KCNQ1: variants seen among roughly 807,000 people sequenced by gnomAD.
KCNQ1 encodes potassium voltage-gated channel subfamily KQT member 1.
A neutral mutation model predicts 72.4 loss-of-function variants in KCNQ1; 49 were observed. The ratio of observed to expected loss-of-function variants is 0.68; its 90% CI spans 0.54 to 0.86. The LOEUF (loss-of-function observed/expected upper bound fraction) is 0.86, where lower values mean the gene tolerates loss of function less well. Among genes scored for constraint, KCNQ1 ranks in the 40% least tolerant of loss-of-function variants. KCNQ1 has a pLI of 0.00. For synonymous variants in KCNQ1, 450 were observed against 412.6 expected (o/e 1.09, Z -1.10); for missense variants, 790 against 945.1 (o/e 0.84, Z 2.15).
At chr11:2,614,993 A>G (rs1849038208) in intron 10 of KCNQ1, 1 of 398,422 alleles carries the variant, frequency 2.5e-6, no homozygotes, top group Non-Finnish European at 4.4e-6. Context: ...AATATCGCCA[A>G]CTTAACAATA....
intron 1 of KCNQ1, among the ~76,000 whole-genome samples, chr11:2,517,741 A>G (rs1337424429): frequency 6.6e-6 from 1 of 152,188 alleles, no homozygotes; most frequent in African/African-American, 2.4e-5. Context: ...ATATGCCTGC[A>G]CGTCCTGCCC....
At chr11:2,589,928 G>C (rs1368528242) in intron 10 of KCNQ1, among the ~76,000 whole-genome samples, 1 of 152,184 alleles carries the variant, frequency 6.6e-6, no homozygotes, top group Non-Finnish European at 1.5e-5. Context: ...CAGAGTGTGA[G>C]GGGCTGGAGA....
intron 15 of KCNQ1, among the ~76,000 whole-genome samples, chr11:2,822,573 G>A (rs233449): frequency 0.22 from 33,958 of 152,264 alleles, 4,021 homozygotes; most frequent in Non-Finnish European, 0.28. Context: ...CCTGTGAGCC[G>A]AACCCCAAAG....
chr11:2,694,425 G>C (rs1850639376), intron 11 of KCNQ1: 1 of 398,524 alleles, frequency 2.5e-6, no homozygotes, highest in African/African-American at 2.1e-5. Context: ...ACCAGGCAGG[G>C]TGCTAAACAT....
intron 1 of KCNQ1, among the ~76,000 whole-genome samples, chr11:2,456,937 T>C (rs1589890200): frequency 1.7e-5 from 1 of 58,952 alleles, no homozygotes; most frequent in Non-Finnish European, 2.7e-5. Flanking sequence ...AGACTCGGTC[T>C]CAAAAAAAAA....
rs1847920172 is a variant in KCNQ1, at chr11:2,830,254, A to T, written c.1795-17513A>T. Among the ~76,000 whole-genome samples, 1 of 152,036 alleles carries T rather than the reference A, an allele frequency of 6.6e-6. No individual in the cohort carries two copies. The highest frequency in any genetic ancestry group is 6.5e-5 in the Admixed American group (1 of 15,284). On this transcript the variant is annotated intron_variant, in intron 15 of 15. Transcript: ENST00000155840. This position sits in a 1 kb window ranked among gnomAD's most constrained non-coding sequence, Gnocchi z 7.7. Reference sequence around the variant, plus strand: ...TGACTAGCTGGGGCTGGGGCTGTGCAGGATAAGGCCAGTGAGAGAAGAGGA... The same window carrying T: ...TGACTAGCTGGGGCTGGGGCTGTGCTGGATAAGGCCAGTGAGAGAAGAGGA...
chr11:2,593,649 TCA>T lies in KCNQ1; in HGVS notation c.1393+4799_1393+4800del, dbSNP rs938659584. On this transcript the variant is annotated intron_variant, in intron 10 of 15. Transcript: ENST00000155840. The surrounding 1 kb of genome is among the most constrained non-coding windows in gnomAD (Gnocchi z 6.9). ...CCAGTGTGGTCTGGGGACTCATCGTTCACACTCGTGTGTGTGCTTTCTGGAGG... is the reference window on the plus strand; with the variant it reads ...CCAGTGTGGTCTGGGGACTCATCGTTCACTCGTGTGTGTGCTTTCTGGAGG... Among the ~76,000 whole-genome samples the T allele has an allele frequency of 3.9e-5, 6 of 152,158 alleles. No individual in the cohort carries two copies. The highest frequency in any genetic ancestry group is 1.4e-4 in the African/African-American group (6 of 41,440).
chr11:2,616,105 C>T (rs1382937944), intron 10 of KCNQ1: 1 of 397,678 alleles, frequency 2.5e-6, no homozygotes, highest in Non-Finnish European at 4.4e-6. Flanking sequence ...ATTCGTCCAT[C>T]TTATCTAGGT....
At position 2,690,892 on chromosome 11, in the gene KCNQ1, C is replaced by G. The variant is rs1850577054; in HGVS notation, c.1514+28811C>G. On this transcript the variant is annotated intron_variant, in intron 11 of 15. Transcript: ENST00000155840. This position sits in a 1 kb window ranked among gnomAD's most constrained non-coding sequence, Gnocchi z 5.1. The stretch of plus-strand genomic sequence containing the variant: ...CAGGAGTGTAAGCCACTGTTTCCGT[C>G]TGGGTTTTGTCATGTGTAGGTCCCA... 1 of 398,620 alleles carries G rather than the reference C, an allele frequency of 2.5e-6. No individual in the cohort carries two copies. Among genetic ancestry groups the G allele is most frequent in the Non-Finnish European group, 4.4e-6 (1 of 226,082 alleles). The allele number at this position is 398,620 out of a possible 1,614,324, so 24.7% of individuals were successfully genotyped here.
chr11:2,847,546 G>A (rs1354383658), intron 15 of KCNQ1, among the ~76,000 whole-genome samples: 1 of 152,214 alleles, frequency 6.6e-6, no homozygotes, highest in Non-Finnish European at 1.5e-5. Flanking sequence ...CGCACGGGAT[G>A]GACTCCAATC....
chr11:2,622,354 G>T (rs1347389112), intron 10 of KCNQ1: 2 of 397,944 alleles, frequency 5.0e-6, no homozygotes, highest in Non-Finnish European at 8.9e-6. Context: ...TCTTTTATTA[G>T]TATAATTACC....
At chr11:2,584,372 AGT>A (rs1329879808) in intron 7 of KCNQ1, among the ~76,000 whole-genome samples, 3 of 149,738 alleles carry the variant, frequency 2.0e-5, no homozygotes. Context: ...AGTGTATGTT[AGT>A]GTGTTTGTGT....
Position 2,816,202 on chromosome 11 carries a change from A to G in KCNQ1, c.1795-31565A>G, listed in dbSNP as rs1847610486. On this transcript the variant is annotated intron_variant, in intron 15 of 15. Transcript: ENST00000155840. The surrounding 1 kb of genome is among the most constrained non-coding windows in gnomAD (Gnocchi z 6.8). Reference sequence around the variant, plus strand: ...GTGGCCACCAGAGAGTTCCTGCTGCAGTGTGGAAAAGACAAACAGGCGAGT... The same window carrying G: ...GTGGCCACCAGAGAGTTCCTGCTGCGGTGTGGAAAAGACAAACAGGCGAGT... Among the ~76,000 whole-genome samples, 1 of 152,210 alleles carries G rather than the reference A, an allele frequency of 6.6e-6. No homozygotes were observed. Among genetic ancestry groups the G allele is most frequent in the South Asian group, 2.1e-4 (1 of 4,830 alleles).
rs920917744 is a variant in KCNQ1 at position 2,724,942 on chromosome 11, C to T, written c.1515-43902C>T. On this transcript the variant is annotated intron_variant, in intron 11 of 15. Coordinates refer to ENST00000155840, the MANE Select transcript of KCNQ1 (RefSeq NM_000218.3). This position sits in a 1 kb window ranked among gnomAD's most constrained non-coding sequence, Gnocchi z 6.8. ...TGATCCAGTAACCTGGACAGGGTGC[C>T]GAGGGCAGGGTCTGGTGTGGCTATC... Among the ~76,000 whole-genome samples, 3 of 152,080 alleles carry T rather than the reference C, an allele frequency of 2.0e-5. No homozygotes were observed. The highest frequency in any genetic ancestry group is 4.8e-5 in the African/African-American group (2 of 41,384).
At chr11:2,619,968 A>G (rs1589985538) in intron 10 of KCNQ1, 2 of 397,952 alleles carry the variant, frequency 5.0e-6, no homozygotes, top group Non-Finnish European at 8.8e-6. Flanking sequence ...CCTATCACCC[A>G]GGTAGTGAGC....
chr11:2,519,902 AGTGACAC>A (rs1226333247), intron 1 of KCNQ1, among the ~76,000 whole-genome samples: 1 of 152,164 alleles, frequency 6.6e-6, no homozygotes, highest in African/African-American at 2.4e-5. Context: ...GCCCAAGTCC[AGTGACAC>A]GTGTCCTCCT....
rs1218038581 is a variant in KCNQ1 at position 2,784,571 on chromosome 11, T to C, written c.1794+6534T>C. Among the ~76,000 whole-genome samples, 2 of 151,974 alleles carry C rather than the reference T, an allele frequency of 1.3e-5. No homozygotes were observed. Among genetic ancestry groups the C allele is most frequent in the African/African-American group, 2.4e-5 (1 of 41,440 alleles). On this transcript the variant is annotated intron_variant, in intron 15 of 15. Transcript: ENST00000155840. This position sits in a 1 kb window ranked among gnomAD's most constrained non-coding sequence, Gnocchi z 4.7. ...ACCTGTCAATTAAAAAAGAAGGGCC[T>C]GCTGGGATTTTGATAGGCATTGTGT... is the stretch of plus-strand genomic sequence containing the variant.
chr11:2,651,887 C>T lies in KCNQ1; in HGVS notation c.1394-10074C>T, dbSNP rs1427916597. On this transcript the variant is annotated intron_variant, in intron 10 of 15. Coordinates refer to ENST00000155840, the MANE Select transcript of KCNQ1 (RefSeq NM_000218.3). The surrounding 1 kb of genome is among the most constrained non-coding windows in gnomAD (Gnocchi z 6.1). The stretch of plus-strand genomic sequence containing the variant: ...GAAGTAGTGTTCAGGCTGAGGGGGT[C>T]ATAGCCGAGGGTCCCTCTGGGGCCG... The T allele has an allele frequency of 2.5e-6, 1 of 398,604 alleles. No homozygotes were observed. The highest frequency in any genetic ancestry group is 3.6e-5 in the East Asian group (1 of 28,088). 24.7% of individuals were successfully genotyped at this position (398,604 alleles called of 1,614,324 possible). A position where few individuals can be genotyped will look rare whatever the true frequency, so the allele number is the denominator to read the frequency against.
intron 1 of KCNQ1, among the ~76,000 whole-genome samples, chr11:2,523,893 C>T (rs770165324): frequency 1.3e-4 from 19 of 151,936 alleles, no homozygotes; most frequent in Non-Finnish European, 2.1e-4. Context: ...GGGAGTGCAG[C>T]GCCTTCCGTG....
Sources: allele counts gnomAD v4.1 joint callset (sites outside exome capture counted in the v4.1 genomes callset), GRCh38; gene constraint gnomAD v4.1.1; non-coding constraint Gnocchi (gnomAD v3.1); transcripts MANE v1.5; gene names NCBI Gene and HGNC (gene_info 2026-07-23, HGNC 2026-07-21).